The following DAW1 variants were observed in gnomAD, a reference collection of about 807,000 sequenced individuals.
DAW1 encodes dynein assembly factor with WD repeat domains 1.
In DAW1, 47 loss-of-function variants were observed where a neutral mutation model predicts 56.5. That is an observed-to-expected ratio of 0.83 (90% CI 0.66 to 1.06). The LOEUF is 1.06. DAW1 is among the 50% of genes least tolerant of loss of function. The probability of loss-of-function intolerance (pLI) is 0.00; values close to 1 mark genes in which losing one functional copy is unlikely to be tolerated. For missense variants in DAW1, 505 were observed against 499.3 expected, an observed-to-expected ratio of 1.01 and a Z score of -0.11; for synonymous variants, 190 against 179.0, an observed-to-expected ratio of 1.06 and a Z score of -0.49.
intron 12 of DAW1, 81 bp from the exon 13 acceptor site, chr2:227,923,853 A>AG: frequency 3.8e-6 from 6 of 1,558,820 alleles, no homozygotes; most frequent in Non-Finnish European, 5.3e-6. Context: ...CCAATGGCCC[A>AG]GAAAATGTCA....
intron 9 of DAW1, among the ~76,000 whole-genome samples, chr2:227,906,932 C>G (rs539059149): frequency 1.3e-5 from 2 of 152,236 alleles, no homozygotes; most frequent in Non-Finnish European, 2.9e-5. Flanking sequence ...TTCTCTGTGA[C>G]TAGAGTGTGC....
At chr2:227,908,205 G>A (rs1363529317) in intron 10 of DAW1, among the ~76,000 whole-genome samples, 1 of 152,116 alleles carries the variant, frequency 6.6e-6, no homozygotes, top group Non-Finnish European at 1.5e-5. Context: ...CACTGTATCT[G>A]CATCATCTTG....
intron 10 of DAW1, 39 bp from the exon 11 acceptor site, chr2:227,918,736 GTATTT>G: frequency 6.3e-7 from 1 of 1,599,706 alleles, no homozygotes; most frequent in Non-Finnish European, 8.6e-7. Flanking sequence ...CCAAAGTTCT[GTATTT>G]AAGATGAATT....
chr2:227,910,328 T>G (rs920560834), intron 10 of DAW1, among the ~76,000 whole-genome samples: 4 of 151,922 alleles, frequency 2.6e-5, no homozygotes, highest in African/African-American at 7.3e-5. Flanking sequence ...CAAAAATTAG[T>G]CAGGTGTGGT....
At chr2:227,912,407 C>T (rs1691851309) in intron 10 of DAW1, 1 of 1,304,728 alleles carries the variant, frequency 7.7e-7, no homozygotes, top group African/African-American at 1.5e-5. Context: ...CCGGTGTGTT[C>T]ATCTCTTTGA....
intron 10 of DAW1, among the ~76,000 whole-genome samples, chr2:227,910,640 A>C (rs1477754442): frequency 6.6e-6 from 1 of 152,110 alleles, no homozygotes; most frequent in African/African-American, 2.4e-5. Flanking sequence ...ATAAGATGCT[A>C]TATGTTACTT....
chr2:227,891,425 T>C, intron 4 of DAW1, 112 bp downstream of exon 4: 1 of 903,318 alleles, frequency 1.1e-6, no homozygotes, highest in Non-Finnish European at 1.8e-6. Flanking sequence ...CTGATTTCAG[T>C]ACTCCCTTGG....
intron 5 of DAW1, chr2:227,895,614 A>G (rs942678069): frequency 6.6e-6 from 1 of 152,172 alleles, no homozygotes; most frequent in Non-Finnish European, 1.5e-5. Context: ...CCAGGAGGGG[A>G]TTCATCGGGC....
At chr2:227,896,593 A>AGT (rs5839240) in intron 5 of DAW1, among the ~76,000 whole-genome samples, 14,281 of 143,532 alleles carry the variant, frequency 0.099, 704 homozygotes, top group African/African-American at 0.11. Context: ...AATAAGAGGG[A>AGT]GTGTGTGTGT....
At chr2:227,909,423 A>G (rs1226083370) in intron 10 of DAW1, among the ~76,000 whole-genome samples, 1 of 148,762 alleles carries the variant, frequency 6.7e-6, no homozygotes, top group Non-Finnish European at 1.5e-5. Context: ...TATAGTATAT[A>G]TAGTATATAA....
At chr2:227,894,037 G>A (rs972241989) in intron 5 of DAW1, 120 bp downstream of exon 5, 2 of 1,120,318 alleles carry the variant, frequency 1.8e-6, no homozygotes, top group African/African-American at 3.2e-5. Context: ...ATGTGCTTTG[G>A]AAGCCTTTTA....
Position 227,873,200 on chromosome 2 carries a change from C to T in DAW1, c.40+1471C>T, listed in dbSNP as rs148902876. On this transcript the variant is annotated intron_variant, in intron 1 of 12. Coordinates refer to ENST00000309931, the MANE Select transcript of DAW1 (RefSeq NM_178821.3). The stretch of plus-strand genomic sequence containing the variant: ...TTCAGTTTCAATCAATGTCAACCAC[C>T]TGAAGAGACTTTCCTACCTATTCAA... 5.8e-4 allele frequency among the ~76,000 whole-genome samples: 88 copies of T among 152,324 alleles called. No individual in the cohort carries two copies. The East Asian group carries it at 0.016, about 27-fold the overall frequency.
At chr2:227,876,394 A>G (rs1247969568) in intron 1 of DAW1, 16 of 1,264,626 alleles carry the variant, frequency 1.3e-5, no homozygotes, top group Non-Finnish European at 1.7e-5. Context: ...TTATCTTATA[A>G]TGAGGTCATA....
At chr2:227,911,166 T>A (rs1691804774) in intron 10 of DAW1, among the ~76,000 whole-genome samples, 1 of 145,046 alleles carries the variant, frequency 6.9e-6, no homozygotes, top group Middle Eastern at 3.4e-3. Context: ...TATTTAAGAA[T>A]CATGTATAGT....
intron 2 of DAW1, among the ~76,000 whole-genome samples, chr2:227,888,655 C>T (rs115439229): frequency 6.6e-6 from 1 of 152,248 alleles, no homozygotes; most frequent in African/African-American, 2.4e-5. Context: ...AGCTCCAACC[C>T]TGACTCTGGG....
At chr2:227,891,184 T>C (rs750470602) in intron 3 of DAW1, 71 bp from the exon 4 acceptor site, 19 of 1,373,408 alleles carry the variant, frequency 1.4e-5, no homozygotes, top group Non-Finnish European at 1.7e-5. Flanking sequence ...AATGTCTTCA[T>C]TGGTTTGAAG....
At chr2:227,890,804 A>G (rs1691243629) in intron 3 of DAW1, among the ~76,000 whole-genome samples, 1 of 152,242 alleles carries the variant, frequency 6.6e-6, no homozygotes, top group Admixed American at 6.5e-5. Context: ...TTTTGGTAAC[A>G]GACATAACTT....
chr2:227,902,855 G>A (rs1691578332), intron 6 of DAW1, 147 bp from the exon 7 acceptor site: 1 of 748,686 alleles, frequency 1.3e-6, no homozygotes, highest in Non-Finnish European at 2.2e-6. Flanking sequence ...GACTCAACCT[G>A]GGGGTAGCAG....
intron 1 of DAW1, among the ~76,000 whole-genome samples, chr2:227,881,777 G>C (rs1691017415): frequency 1.1e-5 from 1 of 94,548 alleles, no homozygotes. Flanking sequence ...TTTTGAGATA[G>C]AGTTTCACTC....
Sources: gnomAD v4.1 joint callset for allele counts (sites outside exome capture counted in the v4.1 genomes callset) on GRCh38, gnomAD v4.1.1 for gene constraint, MANE v1.5 for transcripts, NCBI Gene and HGNC (gene_info 2026-07-23, HGNC 2026-07-21) for gene names.